Variants in IQSEC1 observed in about 807,000 individuals in gnomAD.
The protein encoded by IQSEC1 is IQ motif and SEC7 domain-containing protein 1.
Under a neutral mutation model 91.0 loss-of-function variants are expected in IQSEC1, and 31 were observed. The observed-to-expected ratio is 0.34, with a 90% CI of 0.26 to 0.46. The LOEUF (loss-of-function observed/expected upper bound fraction) is 0.46, where lower values mean the gene tolerates loss of function less well. Ranked by LOEUF, IQSEC1 falls within the 20% of genes least tolerant of loss-of-function variation. IQSEC1 has a pLI of 1.00. For missense variants in IQSEC1, 1,388 were observed against 1,575.6 expected, an observed-to-expected ratio of 0.88 and a Z score of 2.02; for synonymous variants, 699 against 662.6, an observed-to-expected ratio of 1.05 and a Z score of -0.84.
intron 1 of IQSEC1, among the ~76,000 whole-genome samples, chr3:13,042,929 G>A (rs868202080): frequency 2.6e-5 from 4 of 152,258 alleles, no homozygotes; most frequent in African/African-American, 2.4e-5. Context: ...GATAAATTAC[G>A]TTTGGCGGAA....
chr3:13,162,625 A>G (rs940737602), intron 2 of IQSEC1, among the ~76,000 whole-genome samples: 2 of 152,140 alleles, frequency 1.3e-5, no homozygotes, highest in Non-Finnish European at 2.9e-5. Flanking sequence ...CTTTTTGCTG[A>G]CAAATTAAAT....
At chr3:12,957,628 G>A (rs1300056750) in intron 1 of IQSEC1, among the ~76,000 whole-genome samples, 3 of 152,232 alleles carry the variant, frequency 2.0e-5, no homozygotes, top group Non-Finnish European at 4.4e-5. Context: ...TGGACAGGGT[G>A]TGGACAGAGA....
intron 2 of IQSEC1, among the ~76,000 whole-genome samples, chr3:13,110,632 C>T (rs573339440): frequency 6.6e-6 from 1 of 152,288 alleles, no homozygotes; most frequent in East Asian, 1.9e-4. Flanking sequence ...TGATTCTGCA[C>T]ACCCACCACA....
Position 13,024,348 on chromosome 3 carries a change from C to A in IQSEC1, c.23+48644G>T, listed in dbSNP as rs556851984. On this transcript the variant is annotated intron_variant, in intron 1 of 13. Coordinates refer to ENST00000613206, the MANE Select transcript of IQSEC1 (RefSeq NM_001134382.3). ...ACCCATCCATCCATCTGTTCCCTCA[C>A]CCGCACATACACCCATCCATCACTC... Among the ~76,000 whole-genome samples, 6 of 150,006 alleles carry A rather than the reference C, an allele frequency of 4.0e-5. No homozygotes were observed. In the East Asian group the frequency reaches 1.2e-3, roughly 30 times the overall value.
At chr3:13,236,732 G>C (rs954351701) in intron 1 of IQSEC1, among the ~76,000 whole-genome samples, 5 of 152,372 alleles carry the variant, frequency 3.3e-5, no homozygotes, top group African/African-American at 1.2e-4. Context: ...CTGGGACACA[G>C]AGGGAAGGGT....
At chr3:13,124,844 A>G (rs1167333037) in intron 2 of IQSEC1, among the ~76,000 whole-genome samples, 1 of 152,114 alleles carries the variant, frequency 6.6e-6, no homozygotes, top group Non-Finnish European at 1.5e-5. Context: ...TCAGCCCCAC[A>G]CAGCACCTGC....
rs146539405 is a variant in IQSEC1 at position 12,908,356 on chromosome 3, C to T, written c.2748G>A (p.Ser916=). 9.6e-5 allele frequency: 154 copies of T among 1,611,586 alleles called. 1 individual carries two copies. The African/African-American group carries it at 1.7e-3, about 18-fold the overall frequency. The change falls in exon 12 of 14, where the codon TCG becomes TCA. Residue 916 remains serine (S), a synonymous_variant. Transcript: ENST00000613206. This position sits in a 1 kb window ranked among gnomAD's most constrained non-coding sequence, Gnocchi z 4.9. ...TCTAGGCCAAGCTCTTACCGGCTTC[C>T]GAGAGGTCCCGCAGGGAGCTGCTGA... is the stretch of plus-strand genomic sequence containing the variant. ...SALSSSLRDL[S]EAGKRGRRSS...
At chr3:13,231,093 C>T (rs1694831959) in intron 1 of IQSEC1, among the ~76,000 whole-genome samples, 1 of 152,196 alleles carries the variant, frequency 6.6e-6, no homozygotes, top group Admixed American at 6.5e-5. Context: ...ATTATTATTA[C>T]TCTGATAGGA....
rs1309228735 is a variant in IQSEC1, at chr3:12,925,648, C to A, written c.1569-906G>T. ...CAGGGCTGAGTGTGTCCACTGGAGACCAGACCCCCAGAGCATGGGTCATTC... is the reference window on the plus strand; with the variant it reads ...CAGGGCTGAGTGTGTCCACTGGAGAACAGACCCCCAGAGCATGGGTCATTC... On this transcript the variant is annotated intron_variant, in intron 3 of 13. Transcript: ENST00000613206. 2.0e-5 allele frequency among the ~76,000 whole-genome samples: 3 copies of A among 152,248 alleles called. No homozygotes were observed. The East Asian group carries it at 5.8e-4, about 29-fold the overall frequency.
chr3:12,961,792 A>G (rs1700255855), intron 1 of IQSEC1, among the ~76,000 whole-genome samples: 1 of 152,222 alleles, frequency 6.6e-6, no homozygotes, highest in Admixed American at 6.5e-5. Context: ...ACATGGATTC[A>G]TTCATTTAAT....
intron 2 of IQSEC1, among the ~76,000 whole-genome samples, chr3:13,162,156 G>A (rs1707190968): frequency 6.6e-6 from 1 of 152,234 alleles, no homozygotes; most frequent in African/African-American, 2.4e-5. Context: ...ACCAGTGAGA[G>A]CAGGCTGTTC....
intron 1 of IQSEC1, among the ~76,000 whole-genome samples, chr3:12,944,059 T>C (rs1698999515): frequency 6.6e-6 from 1 of 152,192 alleles, no homozygotes; most frequent in Non-Finnish European, 1.5e-5. Flanking sequence ...CCTCATCAGA[T>C]TGAGAATCAG....
intron 1 of IQSEC1, among the ~76,000 whole-genome samples, chr3:13,241,889 A>G (rs1042805552): frequency 1.3e-4 from 20 of 152,250 alleles, no homozygotes; most frequent in African/African-American, 4.6e-4. Context: ...CGGGAAGATG[A>G]AGATCAGGAG....
chr3:13,179,643 C>T (rs1693799261), intron 1 of IQSEC1, among the ~76,000 whole-genome samples: 2 of 152,276 alleles, frequency 1.3e-5, no homozygotes, highest in South Asian at 4.1e-4. Flanking sequence ...GCCTGGGCTC[C>T]CACTTTGGTG....
At chr3:12,944,848 C>T (rs1012356013) in intron 1 of IQSEC1, among the ~76,000 whole-genome samples, 15 of 152,224 alleles carry the variant, frequency 9.9e-5, no homozygotes, top group African/African-American at 3.6e-4. Context: ...TGGGAGGCAC[C>T]GTCAGGGAGG....
chr3:12,936,707 GGA>G lies in IQSEC1; in HGVS notation c.319-12_319-11del. The G allele has an allele frequency of 6.4e-7, 1 of 1,558,466 alleles. No individual in the cohort carries two copies. The highest frequency in any genetic ancestry group is 8.7e-7 in the Non-Finnish European group (1 of 1,150,418). On this transcript the variant is annotated splice_polypyrimidine_tract_variant and intron_variant, in intron 2 of 13. Coordinates refer to ENST00000613206, the MANE Select transcript of IQSEC1 (RefSeq NM_001134382.3). ...GTTCTAGCATCTCCACCTGCGGGTG[GGA>G]GAGGAGAATGAGAACAGCACTGCAT...
At chr3:13,277,402 A>G (rs1258433478) in intron 1 of IQSEC1, among the ~76,000 whole-genome samples, 1 of 152,226 alleles carries the variant, frequency 6.6e-6, no homozygotes, top group Non-Finnish European at 1.5e-5. Flanking sequence ...TTTCGCACAC[A>G]GTGCCACTCG....
chr3:13,174,017 C>T (rs1227307431), intron 1 of IQSEC1, among the ~76,000 whole-genome samples: 1 of 152,132 alleles, frequency 6.6e-6, no homozygotes, highest in Admixed American at 6.5e-5. Flanking sequence ...GAGAGGCGGC[C>T]AAGACACAAG....
In IQSEC1 at chr3:13,282,193, G is replaced by A. The variant is rs1197539701; in HGVS notation, c.272+518C>T. ...AGAGACAGAGGCGTCCACAGAAGAG[G>A]GCTCTGCGCGTCCCGGACTGGACAC... On this transcript the variant is annotated intron_variant, in intron 1 of 15. Transcript: ENST00000648114. This position sits in a 1 kb window ranked among gnomAD's most constrained non-coding sequence, Gnocchi z 6.4. 1.3e-5 allele frequency among the ~76,000 whole-genome samples: 2 copies of A among 152,178 alleles called. No homozygotes were observed. Among genetic ancestry groups the A allele is most frequent in the East Asian group, 3.9e-4 (2 of 5,174 alleles).
Sources: allele counts gnomAD v4.1 joint callset (sites outside exome capture counted in the v4.1 genomes callset), GRCh38; gene constraint gnomAD v4.1.1; non-coding constraint Gnocchi (gnomAD v3.1); transcripts MANE v1.5; gene names NCBI Gene and HGNC (gene_info 2026-07-23, HGNC 2026-07-21).